Variants in OR8D1 observed in about 807,000 individuals in gnomAD.
OR8D1 encodes the protein olfactory receptor family 8 subfamily D member 1.
For synonymous variants in OR8D1, 143 were observed against 147.0 expected (o/e 0.97, Z 0.20); for missense variants, 384 against 366.8 (o/e 1.05, Z -0.38).
At chr11:124,312,459 G>A (rs1254541288) in intron 1 of OR8D1, among the ~76,000 whole-genome samples, 1 of 151,826 alleles carries the variant, frequency 6.6e-6, no homozygotes, top group Non-Finnish European at 1.5e-5. Flanking sequence ...AGCTATGCAA[G>A]CTGAATGGAC....
chr11:124,310,449 G>C lies in OR8D1; in HGVS notation c.318C>G (p.Val106=). 1 of 1,613,524 alleles carries C rather than the reference G, an allele frequency of 6.2e-7. No homozygotes were observed. Among genetic ancestry groups the C allele is most frequent in the Non-Finnish European group, 8.5e-7 (1 of 1,179,804 alleles). The change falls in exon 3 of 3, where the codon GTC becomes GTG. Residue 106 remains valine, a synonymous_variant. Transcript: ENST00000641015. ...GGAGGTAACCCTCAGCCACCACAAA[G>C]ACCACAAAGAAAAAGAGCTGGACCA... is the stretch of plus-strand genomic sequence containing the variant. The part of the protein sequence containing the change: ...ECMVQLFFFV[V]FVVAEGYLLT...
In OR8D1 at chr11:124,307,074, A is replaced by T. The variant is rs532002027; in HGVS notation, c.*2766T>A. The stretch of plus-strand genomic sequence containing the variant: ...ATGGTTCAAGTGGCAATTTTGTCTA[A>T]TGCTAGAGCTTGGTATTAAGAAATT... On this transcript the variant is annotated 3_prime_UTR_variant, in exon 3 of 3. Coordinates refer to ENST00000641015, the MANE Select transcript of OR8D1 (RefSeq NM_001002917.2). 2.6e-5 allele frequency: 4 copies of T among 152,160 alleles called. No homozygotes were observed. In the South Asian group the frequency reaches 8.3e-4, roughly 32 times the overall value. 9.4% of individuals were successfully genotyped at this position (152,160 alleles called of 1,614,324 possible).
Position 124,310,092 on chromosome 11 carries a change from G to A in OR8D1, c.675C>T (p.Ile225=), listed in dbSNP as rs182346725. The change falls in exon 3 of 3, where the codon ATC becomes ATT. Residue 225 remains isoleucine, a synonymous_variant. Transcript: ENST00000641015. ...GGCCCTCTGAGGAGCGGATGTGAAG[G>A]ATGCTGTAGAGGATGAAGGCATAGG... ...AVSYAFILYS[I]LHIRSSEGRS... is the part of the protein sequence containing the mutation. 64 of 1,613,672 alleles carry A rather than the reference G, an allele frequency of 4.0e-5. No homozygotes were observed. Among genetic ancestry groups the A allele is most frequent in the African/African-American group, 6.7e-5 (5 of 75,030 alleles).
At position 124,304,902 on chromosome 11, in the gene OR8D1, TA is replaced by T. The variant is rs1862355435; in HGVS notation, c.*4937del. On this transcript the variant is annotated 3_prime_UTR_variant, in exon 3 of 3. Transcript: ENST00000641015. The stretch of plus-strand genomic sequence containing the variant: ...ATTCTAAAATAGTGTCTTTTAATAA[TA>T]AAAAATTTTAAATTTTGATGGAGTC... The T allele has an allele frequency of 6.6e-6, 1 of 151,908 alleles. No individual in the cohort carries two copies. Among genetic ancestry groups the T allele is most frequent in the African/African-American group, 2.4e-5 (1 of 41,418 alleles). 9.4% of individuals were successfully genotyped at this position (151,908 alleles called of 1,614,324 possible).
In OR8D1 at chr11:124,306,809, C is replaced by T. The variant is rs1273575082; in HGVS notation, c.*3031G>A. The T allele has an allele frequency of 6.6e-6, 1 of 151,950 alleles. No homozygotes were observed. Among genetic ancestry groups the T allele is most frequent in the African/African-American group, 2.4e-5 (1 of 41,382 alleles). The allele number at this position is 151,950 out of a possible 1,614,324, so 9.4% of individuals were successfully genotyped here. A position where few individuals can be genotyped will look rare whatever the true frequency, so the allele number is the denominator to read the frequency against. On this transcript the variant is annotated 3_prime_UTR_variant, in exon 3 of 3. Transcript: ENST00000641015. ...ACACCTCTCCTGGCTTCTGATGTTC[C>T]CATCCCTGAGGAGGAACACCTATTA...
rs1383378673 is a variant in OR8D1 at position 124,302,976 on chromosome 11, ACTC to A, written c.*6861_*6863del. 2 of 151,960 alleles carry A rather than the reference ACTC, an allele frequency of 1.3e-5. No homozygotes were observed. Among genetic ancestry groups the A allele is most frequent in the Non-Finnish European group, 2.9e-5 (2 of 67,980 alleles). 9.4% of individuals were successfully genotyped at this position (151,960 alleles called of 1,614,324 possible). A position where few individuals can be genotyped will look rare whatever the true frequency, so the allele number is the denominator to read the frequency against. On this transcript the variant is annotated 3_prime_UTR_variant, in exon 3 of 3. Transcript: ENST00000641015. ...TTCCTGTCTCCTGATTTACTCATGAACTCCTTACTAGGAAGGAATAAGGAGACC... is the reference window on the plus strand; with the variant it reads ...TTCCTGTCTCCTGATTTACTCATGAACTTACTAGGAAGGAATAAGGAGACC...
rs562758196 is a variant in OR8D1 at position 124,310,082 on chromosome 11, G to A, written c.685C>T (p.Arg229Cys). Residue 229 changes from arginine (R) to cysteine (C), a missense_variant, in exon 3 of 3, where the codon CGC (arginine) becomes TGC (cysteine). Transcript: ENST00000641015. ...AFILYSILHI[R>C]SSEGRSKAFG... ...GCTTTGGACCGGCCCTCTGAGGAGC[G>A]GATGTGAAGGATGCTGTAGAGGATG... The A allele has an allele frequency of 1.1e-4, 182 of 1,613,568 alleles. 1 individual carries two copies. The highest frequency in any genetic ancestry group is 5.1e-4 in the South Asian group (46 of 91,044).
Position 124,307,297 on chromosome 11 carries a change from A to G in OR8D1, c.*2543T>C, listed in dbSNP as rs1048930048. On this transcript the variant is annotated 3_prime_UTR_variant, in exon 3 of 3. Transcript: ENST00000641015. ...TGCAATATTTTATAGTTTACAGTTT[A>G]TGTGTAACTTTTAACTGTAGTGATC... 1 of 152,108 alleles carries G rather than the reference A, an allele frequency of 6.6e-6. No individual in the cohort carries two copies. The allele number at this position is 152,108 out of a possible 1,614,324, so 9.4% of individuals were successfully genotyped here. A position where few individuals can be genotyped will look rare whatever the true frequency, so the allele number is the denominator to read the frequency against.
rs2137792820 is a variant in OR8D1, at chr11:124,310,707, T to G, written c.60A>C (p.Gln20His). Residue 20 changes from glutamine to histidine, a missense_variant, in exon 3 of 3, where the codon CAA becomes CAC. Physicochemically the swap from Gln to His is conservative, Grantham distance 24. Transcript: ENST00000641015. ...GGAAGAGGGGCAGCTGGAGCTCTGC[T>G]TGCTGTGTTAAACCATCTAAGACAA... is the stretch of plus-strand genomic sequence containing the variant. ...AQFVLDGLTQ[Q>H]AELQLPLFLL... is the part of the protein sequence containing the mutation. 1 of 1,613,866 alleles carries G rather than the reference T, an allele frequency of 6.2e-7. No individual in the cohort carries two copies. The highest frequency in any genetic ancestry group is 1.1e-5 in the South Asian group (1 of 91,066).
rs761011367 is a variant in OR8D1 at position 124,305,759 on chromosome 11, T to G, written c.*4081A>C. On this transcript the variant is annotated 3_prime_UTR_variant, in exon 3 of 3. Coordinates refer to ENST00000641015, the MANE Select transcript of OR8D1 (RefSeq NM_001002917.2). Reference sequence around the variant, plus strand: ...GATAAAGCCCTTTGAATCCCCTGTATTCAACACAGACACACAAAAATAATG... The same window carrying G: ...GATAAAGCCCTTTGAATCCCCTGTAGTCAACACAGACACACAAAAATAATG... The G allele has an allele frequency of 4.0e-5, 6 of 151,862 alleles. No individual in the cohort carries two copies. Among genetic ancestry groups the G allele is most frequent in the Non-Finnish European group, 7.4e-5 (5 of 67,872 alleles). 9.4% of individuals were successfully genotyped at this position (151,862 alleles called of 1,614,324 possible). A position where few individuals can be genotyped will look rare whatever the true frequency, so the allele number is the denominator to read the frequency against.
intron 1 of OR8D1, among the ~76,000 whole-genome samples, chr11:124,312,647 A>G (rs1862432928): frequency 6.6e-6 from 1 of 150,814 alleles, no homozygotes; most frequent in Non-Finnish European, 1.5e-5. Context: ...CCTCCTGAGT[A>G]GGTGGGATTA....
rs561657557 is a variant in OR8D1, at chr11:124,307,951, A to G, written c.*1889T>C. On this transcript the variant is annotated 3_prime_UTR_variant, in exon 3 of 3. Transcript: ENST00000641015. Reference sequence around the variant, plus strand: ...ACCAAAAAATAAAAAATAAAAATAAAAATAACGGGGGAAGAGGGTCTTAGC... The same window carrying G: ...ACCAAAAAATAAAAAATAAAAATAAGAATAACGGGGGAAGAGGGTCTTAGC... 6.6e-6 allele frequency: 1 copy of G among 152,176 alleles called. No individual in the cohort carries two copies. Among genetic ancestry groups the G allele is most frequent in the East Asian group, 1.9e-4 (1 of 5,166 alleles). 9.4% of individuals were successfully genotyped at this position (152,176 alleles called of 1,614,324 possible). A position where few individuals can be genotyped will look rare whatever the true frequency, so the allele number is the denominator to read the frequency against.
rs1161180175 is a variant in OR8D1 at position 124,304,991 on chromosome 11, A to G, written c.*4849T>C. ...GTTTGACTACCTCCCAGTCACAAAG[A>G]TAGCTCTTATGCTCCCTTCTGTAAT... On this transcript the variant is annotated 3_prime_UTR_variant, in exon 3 of 3. Coordinates refer to ENST00000641015, the MANE Select transcript of OR8D1 (RefSeq NM_001002917.2). 1 of 151,886 alleles carries G rather than the reference A, an allele frequency of 6.6e-6. No individual in the cohort carries two copies. The highest frequency in any genetic ancestry group is 1.5e-5 in the Non-Finnish European group (1 of 67,888). The allele number at this position is 151,886 out of a possible 1,614,324, so 9.4% of individuals were successfully genotyped here. A position where few individuals can be genotyped will look rare whatever the true frequency, so the allele number is the denominator to read the frequency against.
rs1365504029 is a variant in OR8D1, at chr11:124,310,156, C to T, written c.611G>A (p.Gly204Glu). ...TAGGGTGGGCACCAAGGTGTTAAACCCCGCAATGATAAAAAGTAGAAGCTC... is the reference window on the plus strand; with the variant it reads ...TAGGGTGGGCACCAAGGTGTTAAACTCCGCAATGATAAAAAGTAGAAGCTC... ...LNELLLFIIA[G>E]FNTLVPTLAV... The change falls in exon 3 of 3, where the codon GGG becomes GAG. Residue 204 changes from glycine (G) to glutamate (E), a missense_variant. Gly to Glu is a moderately conservative substitution (Grantham distance 98). Transcript: ENST00000641015. 1 of 1,613,398 alleles carries T rather than the reference C, an allele frequency of 6.2e-7. No individual in the cohort carries two copies. The highest frequency in any genetic ancestry group is 1.3e-5 in the African/African-American group (1 of 74,840).
In OR8D1 at chr11:124,306,083, A is replaced by G. The variant is rs1862366816; in HGVS notation, c.*3757T>C. On this transcript the variant is annotated 3_prime_UTR_variant, in exon 3 of 3. Transcript: ENST00000641015. ...TCAATTCATTATTTTGTTACTGTCA[A>G]TATATTTATAGCTCTGCCTTTGACA... 6.6e-6 allele frequency: 1 copy of G among 151,834 alleles called. No individual in the cohort carries two copies. Among genetic ancestry groups the G allele is most frequent in the Non-Finnish European group, 1.5e-5 (1 of 67,868 alleles). 9.4% of individuals were successfully genotyped at this position (151,834 alleles called of 1,614,324 possible).
intron 1 of OR8D1, among the ~76,000 whole-genome samples, chr11:124,313,399 G>A (rs1233831480): frequency 2.6e-5 from 4 of 152,106 alleles, no homozygotes; most frequent in African/African-American, 9.7e-5. Context: ...TGTGCAAGAA[G>A]ACAAGTAACA....
intron 1 of OR8D1, among the ~76,000 whole-genome samples, chr11:124,312,558 C>T (rs150680440): frequency 0.017 from 2,476 of 148,828 alleles, 82 homozygotes; most frequent in African/African-American, 0.059. Flanking sequence ...TGCTCTGTCG[C>T]CCAGGCTGGA....
rs967457125 is a variant in OR8D1 at position 124,306,048 on chromosome 11, A to G, written c.*3792T>C. On this transcript the variant is annotated 3_prime_UTR_variant, in exon 3 of 3. Coordinates refer to ENST00000641015, the MANE Select transcript of OR8D1 (RefSeq NM_001002917.2). ...CTTACTCAAACCTATAACTTTGAAG[A>G]ACATTTAACTCAATTCATTATTTTG... The G allele has an allele frequency of 2.8e-4, 43 of 151,934 alleles. No homozygotes were observed. The highest frequency in any genetic ancestry group is 1.0e-3 in the African/African-American group (43 of 41,412). 9.4% of individuals were successfully genotyped at this position (151,934 alleles called of 1,614,324 possible). A position where few individuals can be genotyped will look rare whatever the true frequency, so the allele number is the denominator to read the frequency against.
rs992202983 is a variant in OR8D1 at position 124,310,262 on chromosome 11, A to G, written c.505T>C (p.Cys169Arg). The stretch of plus-strand genomic sequence containing the variant: ...TAATGGTTGATAATGTGGGATTTGC[A>G]AAAGGACAGTTTCATCATGGCACTT... ...HTSAMMKLSFCKSHIINHYFC... is the reference protein window; with the variant it reads ...HTSAMMKLSFRKSHIINHYFC... Residue 169 changes from cysteine (C) to arginine (R), a missense_variant, in exon 3 of 3, where the codon TGC (cysteine) becomes CGC (arginine). By Grantham distance (180) the Cys-to-Arg change is radical. Transcript: ENST00000641015. 3.7e-6 allele frequency: 6 copies of G among 1,613,934 alleles called. No individual in the cohort carries two copies. Among genetic ancestry groups the G allele is most frequent in the Non-Finnish European group, 5.1e-6 (6 of 1,179,954 alleles).
Sources: gnomAD v4.1 joint callset for allele counts (sites outside exome capture counted in the v4.1 genomes callset) on GRCh38, gnomAD v4.1.1 for gene constraint, MANE v1.5 for transcripts, NCBI Gene and HGNC (gene_info 2026-07-23, HGNC 2026-07-21) for gene names.